The following STXBP4 variants were observed in gnomAD, a reference collection of about 807,000 sequenced individuals.
STXBP4 encodes the protein syntaxin binding protein 4.
STXBP4 carries 55 observed loss-of-function variants against 76.1 expected under a neutral mutation model. The ratio of observed to expected loss-of-function variants is 0.72; its 90% CI spans 0.58 to 0.91. The LOEUF is 0.91. Among genes scored for constraint, STXBP4 ranks in the 40% least tolerant of loss-of-function variants. The pLI, the probability that STXBP4 is intolerant of heterozygous loss-of-function variation, is 0.00. For synonymous variants in STXBP4, 201 were observed against 220.2 expected (o/e 0.91, Z 0.77); for missense variants, 618 against 636.9 (o/e 0.97, Z 0.32).
Position 55,159,884 on chromosome 17 carries a change from T to C in STXBP4, c.1635T>C (p.Ser545=). The C allele has an allele frequency of 1.2e-6, 2 of 1,613,496 alleles. No homozygotes were observed. Among genetic ancestry groups the C allele is most frequent in the South Asian group, 1.1e-5 (1 of 91,006 alleles). Residue 545 remains serine (S), a synonymous_variant, in exon 18 of 18, where the codon TCT becomes TCC. Transcript: ENST00000376352. The stretch of plus-strand genomic sequence containing the variant: ...CAGAGGAGAATGAAGAGGATTGCTC[T>C]AGAGAACTCCCCAACCAGAAAAGTT... ...SRSEENEEDC[S]RELPNQKS
intron 16 of STXBP4, among the ~76,000 whole-genome samples, chr17:55,105,669 G>T (rs552983406): frequency 3.3e-5 from 5 of 151,012 alleles, no homozygotes; most frequent in African/African-American, 1.2e-4. Flanking sequence ...TAGTAGAGAC[G>T]GGGTTTCACT....
At chr17:54,992,570 A>G (rs574719487) in intron 4 of STXBP4, among the ~76,000 whole-genome samples, 1 of 152,092 alleles carries the variant, frequency 6.6e-6, no homozygotes, top group South Asian at 2.1e-4. Context: ...GTGTTACTTT[A>G]GTGTTAAAGC....
At chr17:55,134,371 A>G (rs1449579658) in intron 16 of STXBP4, among the ~76,000 whole-genome samples, 1 of 152,136 alleles carries the variant, frequency 6.6e-6, no homozygotes, top group African/African-American at 2.4e-5. Context: ...ATCTCTTACC[A>G]TAACAAATTT....
chr17:55,138,535 G>A (rs769679197), intron 16 of STXBP4, among the ~76,000 whole-genome samples: 1 of 151,992 alleles, frequency 6.6e-6, no homozygotes, highest in Non-Finnish European at 1.5e-5. Flanking sequence ...GATCACTGAT[G>A]GAAAGAATGT....
intron 8 of STXBP4, among the ~76,000 whole-genome samples, chr17:55,014,938 C>T (rs1395633417): frequency 2.0e-5 from 3 of 151,850 alleles, no homozygotes; most frequent in African/African-American, 7.3e-5. Flanking sequence ...CCCGTTTGTC[C>T]CGTTCTGCCT....
At chr17:54,991,613 G>C (rs1445744079) in intron 4 of STXBP4, 2 of 151,574 alleles carry the variant, frequency 1.3e-5, no homozygotes, top group African/African-American at 4.8e-5. Context: ...TTCATTTGCT[G>C]TTTCTGTTTT....
At chr17:54,984,276 G>A (rs901465168) in intron 1 of STXBP4, among the ~76,000 whole-genome samples, 2 of 147,958 alleles carry the variant, frequency 1.4e-5, no homozygotes, top group African/African-American at 5.0e-5. Flanking sequence ...TCTCAGTTTT[G>A]TTCTCCCTAG....
intron 4 of STXBP4, among the ~76,000 whole-genome samples, chr17:54,995,237 C>T (rs1026940624): frequency 4.6e-5 from 7 of 152,172 alleles, no homozygotes; most frequent in African/African-American, 1.2e-4. Flanking sequence ...TGCTTATTTA[C>T]CCTTCCACTG....
rs142233046 is a variant in STXBP4 at position 55,159,039 on chromosome 17, G to A, written c.1548-758G>A. ...GTGGGTGGATCACTTAAGCCCAAGAGTTCCAGACCAGCCTGGCCAACATGG... is the reference window on the plus strand; with the variant it reads ...GTGGGTGGATCACTTAAGCCCAAGAATTCCAGACCAGCCTGGCCAACATGG... On this transcript the variant is annotated intron_variant, in intron 17 of 17. Coordinates refer to ENST00000376352, the MANE Select transcript of STXBP4 (RefSeq NM_178509.6). Among the ~76,000 whole-genome samples the A allele has an allele frequency of 2.0e-4, 31 of 152,306 alleles. No homozygotes were observed. The East Asian group carries it at 5.8e-3, about 29-fold the overall frequency.
chr17:55,149,060 T>C (rs2080187283), intron 17 of STXBP4, among the ~76,000 whole-genome samples: 1 of 152,182 alleles, frequency 6.6e-6, no homozygotes, highest in Non-Finnish European at 1.5e-5. Context: ...TTCTGGGCAT[T>C]TTATTCTTAA....
intron 4 of STXBP4, among the ~76,000 whole-genome samples, chr17:54,992,427 A>G (rs1035235490): frequency 6.6e-6 from 1 of 151,904 alleles, no homozygotes; most frequent in Admixed American, 6.6e-5. Context: ...AAAAAAAAAA[A>G]AAGTATTATT....
intron 1 of STXBP4, among the ~76,000 whole-genome samples, chr17:54,971,190 A>G (rs142189737): frequency 1.3e-5 from 2 of 152,370 alleles, no homozygotes; most frequent in African/African-American, 4.8e-5. Flanking sequence ...TCCTATTACA[A>G]GAACACTTTC....
chr17:55,130,545 A>G (rs928756350), intron 16 of STXBP4, among the ~76,000 whole-genome samples: 5 of 152,152 alleles, frequency 3.3e-5, no homozygotes, highest in Admixed American at 3.3e-4. Flanking sequence ...TAAAATCTAC[A>G]CTTTTAGCAA....
chr17:54,994,361 T>G (rs971672269), intron 4 of STXBP4, among the ~76,000 whole-genome samples: 1 of 152,198 alleles, frequency 6.6e-6, no homozygotes, highest in Non-Finnish European at 1.5e-5. Context: ...GCAGAACTCA[T>G]GACATTTACA....
At chr17:55,024,954 A>G (rs561408118) in intron 8 of STXBP4, among the ~76,000 whole-genome samples, 3 of 151,994 alleles carry the variant, frequency 2.0e-5, no homozygotes, top group East Asian at 1.9e-4. Context: ...TGGCTAACAC[A>G]GTGAAACCCC....
At chr17:55,031,021 C>A in intron 8 of STXBP4, 147 bp from the exon 9 acceptor site, 1 of 561,112 alleles carries the variant, frequency 1.8e-6, no homozygotes. Flanking sequence ...GCACTTAATC[C>A]ATAAAGAGCT....
At chr17:55,040,694 A>C (rs1238576661) in intron 10 of STXBP4, among the ~76,000 whole-genome samples, 2 of 152,202 alleles carry the variant, frequency 1.3e-5, no homozygotes, top group Non-Finnish European at 2.9e-5. Flanking sequence ...TCTAGAAAGC[A>C]GAGTAGAAAT....
chr17:55,092,024 A>T lies in STXBP4; in HGVS notation c.1489+10841A>T, dbSNP rs561477624. On this transcript the variant is annotated intron_variant, in intron 16 of 17. Coordinates refer to ENST00000376352, the MANE Select transcript of STXBP4 (RefSeq NM_178509.6). ...TCAACCTGTAATATCAAAAATATGG[A>T]TGTTACCATTATTCTAACGGAAGTA... 2.0e-5 allele frequency among the ~76,000 whole-genome samples: 3 copies of T among 152,322 alleles called. No individual in the cohort carries two copies. The East Asian group carries it at 5.8e-4, about 29-fold the overall frequency.
intron 7 of STXBP4, among the ~76,000 whole-genome samples, chr17:55,001,976 A>G (rs1567712752): frequency 6.6e-6 from 1 of 152,180 alleles, no homozygotes; most frequent in African/African-American, 2.4e-5. Context: ...ACTATATTCC[A>G]CAGTAGTTTC....
Sources: gnomAD v4.1 joint callset for allele counts (sites outside exome capture counted in the v4.1 genomes callset) on GRCh38, gnomAD v4.1.1 for gene constraint, MANE v1.5 for transcripts, NCBI Gene and HGNC (gene_info 2026-07-23, HGNC 2026-07-21) for gene names.